Variants in MAP3K1 observed in about 807,000 individuals in gnomAD.
The protein encoded by MAP3K1 is mitogen-activated protein kinase kinase kinase 1.
In MAP3K1, 36 loss-of-function variants were observed where a neutral mutation model predicts 144.2. The ratio of observed to expected loss-of-function variants is 0.25; its 90% CI spans 0.19 to 0.33. The LOEUF (loss-of-function observed/expected upper bound fraction) is 0.33. MAP3K1 is among the 10% of genes least tolerant of loss of function. The probability of loss-of-function intolerance (pLI) is 1.00; values close to 1 mark genes in which losing one functional copy is unlikely to be tolerated. For synonymous variants in MAP3K1, 718 were observed against 688.7 expected, an observed-to-expected ratio of 1.04 and a Z score of -0.67; for missense variants, 1,650 against 1,881.9, an observed-to-expected ratio of 0.88 and a Z score of 2.28.
chr5:56,826,232 T>C (rs1561163508), intron 1 of MAP3K1, among the ~76,000 whole-genome samples: 1 of 152,150 alleles, frequency 6.6e-6, no homozygotes, highest in African/African-American at 2.4e-5. Context: ...TTATTGGTAT[T>C]CCACTAAAAA....
At chr5:56,822,092 C>A (rs1301338684) in intron 1 of MAP3K1, among the ~76,000 whole-genome samples, 1 of 152,156 alleles carries the variant, frequency 6.6e-6, no homozygotes, top group Non-Finnish European at 1.5e-5. Flanking sequence ...GCAATCTTTG[C>A]TCACTGCAGC....
intron 6 of MAP3K1, among the ~76,000 whole-genome samples, chr5:56,868,269 A>C (rs938027900): frequency 6.6e-6 from 1 of 152,162 alleles, no homozygotes; most frequent in African/African-American, 2.4e-5. Flanking sequence ...TGTTTTCCTT[A>C]TAAGTTCATT....
At chr5:56,849,146 A>G (rs532340360) in intron 1 of MAP3K1, among the ~76,000 whole-genome samples, 2 of 152,224 alleles carry the variant, frequency 1.3e-5, no homozygotes, top group African/African-American at 4.8e-5. Flanking sequence ...TCAGGAGTTC[A>G]AGGCCAGCCC....
intron 16 of MAP3K1, among the ~76,000 whole-genome samples, chr5:56,885,102 T>C (rs774940155): frequency 1.3e-5 from 2 of 152,184 alleles, no homozygotes; most frequent in African/African-American, 2.4e-5. Flanking sequence ...GTATAAGATA[T>C]GTATATTTCC....
chr5:56,874,456 G>T (rs1747952925), intron 9 of MAP3K1, among the ~76,000 whole-genome samples: 4 of 152,050 alleles, frequency 2.6e-5, no homozygotes, highest in Admixed American at 2.6e-4. Context: ...TCAGTTGTTT[G>T]ATTTGTCCAC....
chr5:56,881,659 A>G lies in MAP3K1; in HGVS notation c.2459A>G (p.Tyr820Cys), dbSNP rs775087404. The change falls in exon 14 of 20, where the codon TAC becomes TGC. Residue 820 changes from tyrosine (Y) to cysteine (C), a missense_variant. This residue lies in a region of MAP3K1 where 841 missense variants were observed against 886.5 expected (regional missense o/e 0.95). Transcript: ENST00000399503. ...SMVGKLSRRI[Y>C]LSSARMVTTV... The stretch of plus-strand genomic sequence containing the variant: ...GTTGGCAAACTTTCCAGAAGGATCT[A>G]CTTGAGTTCTGCAAGAATGGTTACT... The G allele has an allele frequency of 8.1e-6, 13 of 1,613,888 alleles. 1 individual carries two copies. In the South Asian group the frequency reaches 1.2e-4, roughly 15 times the overall value.
chr5:56,830,567 G>C (rs1746455318), intron 1 of MAP3K1, among the ~76,000 whole-genome samples: 1 of 151,846 alleles, frequency 6.6e-6, no homozygotes, highest in Admixed American at 6.6e-5. Context: ...CTATAGTGCT[G>C]GTACACACAC....
At chr5:56,840,229 C>T (rs997240849) in intron 1 of MAP3K1, among the ~76,000 whole-genome samples, 9 of 152,178 alleles carry the variant, frequency 5.9e-5, no homozygotes, top group Non-Finnish European at 1.2e-4. Flanking sequence ...CTCACTGCAA[C>T]CTCCGCCTCC....
At chr5:56,840,641 A>G (rs1239949754) in intron 1 of MAP3K1, among the ~76,000 whole-genome samples, 1 of 152,158 alleles carries the variant, frequency 6.6e-6, no homozygotes, top group Non-Finnish European at 1.5e-5. Context: ...AACTTGACTG[A>G]GATTAAGCGT....
rs562913407 is a variant in MAP3K1, at chr5:56,841,678, A to G, written c.483-14922A>G. ...TGTCTATCTGCCTGACAGGAATAAT[A>G]TTGATGTGGCAGTGGCGATAAATGA... is the stretch of plus-strand genomic sequence containing the variant. On this transcript the variant is annotated intron_variant, in intron 1 of 19. Coordinates refer to ENST00000399503, the MANE Select transcript of MAP3K1 (RefSeq NM_005921.2). Among the ~76,000 whole-genome samples the G allele has an allele frequency of 2.2e-4, 34 of 152,328 alleles. No individual in the cohort carries two copies. In the South Asian group the frequency reaches 5.8e-3, roughly 26 times the overall value.
chr5:56,877,337 T>C (rs910428018), intron 10 of MAP3K1, among the ~76,000 whole-genome samples: 3 of 152,178 alleles, frequency 2.0e-5, no homozygotes, highest in Non-Finnish European at 4.4e-5. Flanking sequence ...GGTTGTTTCT[T>C]CTTAAGTTCA....
At chr5:56,817,272 A>G (rs1253714812) in intron 1 of MAP3K1, among the ~76,000 whole-genome samples, 1 of 152,180 alleles carries the variant, frequency 6.6e-6, no homozygotes, top group Non-Finnish European at 1.5e-5. Flanking sequence ...CTTGATGGGT[A>G]TTTTGAGTTG....
intron 1 of MAP3K1, among the ~76,000 whole-genome samples, chr5:56,816,675 G>A (rs951827074): frequency 3.4e-4 from 52 of 152,280 alleles, no homozygotes; most frequent in East Asian, 3.9e-4. Flanking sequence ...AGCGCCGGCC[G>A]CAGGGCTCCA....
Position 56,830,885 on chromosome 5 carries a change from G to T in MAP3K1, c.482+14830G>T, listed in dbSNP as rs867486531. 6.6e-3 allele frequency among the ~76,000 whole-genome samples: 922 copies of T among 139,606 alleles called. 4 individuals are homozygous for T. Among genetic ancestry groups the T allele is most frequent in the African/African-American group, 0.022 (849 of 38,582 alleles). The allele number at this position is 139,606 out of a possible 152,430, so 91.6% of individuals were successfully genotyped here. A position where few individuals can be genotyped will look rare whatever the true frequency, so the allele number is the denominator to read the frequency against. On this transcript the variant is annotated intron_variant, in intron 1 of 19. Transcript: ENST00000399503. Reference sequence around the variant, plus strand: ...AGAAAATTTTATGTTGTCATTTACTGTTTTTTTTTTAAATACCTAGTCTAG... The same window carrying T: ...AGAAAATTTTATGTTGTCATTTACTTTTTTTTTTTTAAATACCTAGTCTAG...
intron 6 of MAP3K1, among the ~76,000 whole-genome samples, chr5:56,868,679 C>T (rs1281542269): frequency 1.3e-5 from 2 of 152,106 alleles, no homozygotes. Flanking sequence ...CCACCGCGCC[C>T]GGCCGTAATG....
intron 6 of MAP3K1, among the ~76,000 whole-genome samples, chr5:56,871,044 C>T (rs1747834681): frequency 6.6e-6 from 1 of 151,984 alleles, no homozygotes; most frequent in Non-Finnish European, 1.5e-5. Flanking sequence ...TTCCTTTGTC[C>T]ATTGTACTAT....
At chr5:56,824,061 A>G (rs576301613) in intron 1 of MAP3K1, among the ~76,000 whole-genome samples, 3 of 152,364 alleles carry the variant, frequency 2.0e-5, no homozygotes, top group African/African-American at 7.2e-5. Context: ...TCCAAAATTC[A>G]TTAATTTGAT....
chr5:56,859,944 G>C, intron 3 of MAP3K1, 29 bp downstream of exon 3: 1 of 1,541,074 alleles, frequency 6.5e-7, no homozygotes, highest in South Asian at 1.2e-5. Flanking sequence ...AAATATGTTA[G>C]TTTTTATAAT....
chr5:56,831,068 A>G (rs1746473529), intron 1 of MAP3K1, among the ~76,000 whole-genome samples: 1 of 152,192 alleles, frequency 6.6e-6, no homozygotes, highest in Non-Finnish European at 1.5e-5. Flanking sequence ...CATGTGTGTC[A>G]GATCTTTTCA....
Sources: gnomAD v4.1 joint callset for allele counts (sites outside exome capture counted in the v4.1 genomes callset) on GRCh38, gnomAD v4.1.1 for gene constraint, gnomAD v4.1.1 regional missense constraint, MANE v1.5 for transcripts, NCBI Gene and HGNC (gene_info 2026-07-23, HGNC 2026-07-21) for gene names.